The following ZBTB11 variants were observed in gnomAD, a reference collection of about 807,000 sequenced individuals.
ZBTB11 encodes zinc finger and BTB domain containing 11.
In ZBTB11, 68 loss-of-function variants were observed where a neutral mutation model predicts 113.1. The ratio of observed to expected loss-of-function variants is 0.60; its 90% CI spans 0.49 to 0.74. The LOEUF (loss-of-function observed/expected upper bound fraction) is 0.74, where lower values mean the gene tolerates loss of function less well. ZBTB11 is among the 30% of genes least tolerant of loss of function. ZBTB11 has a pLI of 0.00. For missense variants in ZBTB11, 1,104 were observed against 1,279.4 expected (o/e 0.86, Z 2.09); for synonymous variants, 518 against 452.6 (o/e 1.14, Z -1.83).
chr3:101,674,779 A>ATTT (rs1169323935), intron 1 of ZBTB11, among the ~76,000 whole-genome samples: 1 of 130,712 alleles, frequency 7.7e-6, no homozygotes, highest in African/African-American at 2.6e-5. Context: ...CACACTAAAA[A>ATTT]TTAAAAAAAA....
At chr3:101,675,965 C>G (rs575631547) in intron 1 of ZBTB11, among the ~76,000 whole-genome samples, 1 of 152,178 alleles carries the variant, frequency 6.6e-6, no homozygotes, top group South Asian at 2.1e-4. Flanking sequence ...ACAACAAAAA[C>G]AGTAACTGAT....
intron 8 of ZBTB11, among the ~76,000 whole-genome samples, chr3:101,654,417 A>G (rs904216711): frequency 6.6e-6 from 1 of 152,200 alleles, no homozygotes; most frequent in Non-Finnish European, 1.5e-5. Context: ...GAAAATGAAG[A>G]AGAGGGGGGG....
In ZBTB11 at chr3:101,651,118, A is replaced by C; in HGVS notation, c.*48T>G. 6.7e-7 allele frequency: 1 copy of C among 1,503,592 alleles called. No individual in the cohort carries two copies. The highest frequency in any genetic ancestry group is 1.4e-5 in the South Asian group (1 of 73,072). 93.1% of individuals were successfully genotyped at this position (1,503,592 alleles called of 1,614,324 possible). A position where few individuals can be genotyped will look rare whatever the true frequency, so the allele number is the denominator to read the frequency against. On this transcript the variant is annotated 3_prime_UTR_variant, in exon 11 of 11. Transcript: ENST00000312938. The stretch of plus-strand genomic sequence containing the variant: ...CAGAATTGTAAACAAATGTTCTGTG[A>C]GTTCAGTGTACAAGAGATGTCACTT...
chr3:101,667,068 C>A (rs1288641010), intron 3 of ZBTB11, among the ~76,000 whole-genome samples: 1 of 152,046 alleles, frequency 6.6e-6, no homozygotes, highest in Non-Finnish European at 1.5e-5. Flanking sequence ...TATTTAGGTA[C>A]TTTGAGACAG....
At chr3:101,658,217 T>C (rs1936830231) in intron 6 of ZBTB11, among the ~76,000 whole-genome samples, 1 of 151,586 alleles carries the variant, frequency 6.6e-6, no homozygotes, top group Admixed American at 6.6e-5. Flanking sequence ...ACTACCTCTT[T>C]TAAAAATTAA....
chr3:101,672,148 A>C lies in ZBTB11; in HGVS notation c.376T>G (p.Ser126Ala). ...CSKCQEKLDR[S>A]RPISDVSEML... ...TCTGAAACATCTGATATTGGACGGGATCGATCTAGTTTCTCCTGGCATTTG... is the reference window on the plus strand; with the variant it reads ...TCTGAAACATCTGATATTGGACGGGCTCGATCTAGTTTCTCCTGGCATTTG... The change falls in exon 2 of 11, where the codon TCC becomes GCC. Residue 126 changes from serine (S) to alanine (A), a missense_variant. Ser to Ala is a moderately conservative substitution (Grantham distance 99, BLOSUM62 1). Coordinates refer to ENST00000312938, the MANE Select transcript of ZBTB11 (RefSeq NM_014415.4). The C allele has an allele frequency of 6.2e-7, 1 of 1,614,152 alleles. No individual in the cohort carries two copies. Among genetic ancestry groups the C allele is most frequent in the Non-Finnish European group, 8.5e-7 (1 of 1,180,030 alleles).
intron 6 of ZBTB11, among the ~76,000 whole-genome samples, chr3:101,658,052 A>C (rs1936827650): frequency 6.6e-6 from 1 of 152,188 alleles, no homozygotes; most frequent in Non-Finnish European, 1.5e-5. Context: ...TTACAACAGC[A>C]CAATTCAGTT....
At chr3:101,670,957 A>G (rs1385855852) in intron 3 of ZBTB11, 173 bp downstream of exon 3, 2 of 571,128 alleles carry the variant, frequency 3.5e-6, no homozygotes, top group African/African-American at 3.7e-5. Context: ...ACCCTTTTCC[A>G]TAACTCTACC....
chr3:101,666,772 A>G (rs578165018), intron 3 of ZBTB11, among the ~76,000 whole-genome samples: 1 of 152,186 alleles, frequency 6.6e-6, no homozygotes, highest in East Asian at 1.9e-4. Flanking sequence ...ATTTTTTGAG[A>G]TGGAGTCTTG....
rs774483302 is a variant in ZBTB11, at chr3:101,658,027, C to T, written c.2046+1756G>A. Reference sequence around the variant, plus strand: ...AAAAATCTGATATATGAAAAAGATACTTGCACATGCATGTTTACAACAGCA... The same window carrying T: ...AAAAATCTGATATATGAAAAAGATATTTGCACATGCATGTTTACAACAGCA... On this transcript the variant is annotated intron_variant, in intron 6 of 10. Transcript: ENST00000312938. Among the ~76,000 whole-genome samples the T allele has an allele frequency of 5.6e-4, 86 of 152,222 alleles. 2 individuals carry two copies. Among genetic ancestry groups the T allele is most frequent in the South Asian group, 4.1e-4 (2 of 4,822 alleles).
At chr3:101,675,535 T>C (rs1185835766) in intron 1 of ZBTB11, among the ~76,000 whole-genome samples, 1 of 152,212 alleles carries the variant, frequency 6.6e-6, no homozygotes, top group African/African-American at 2.4e-5. Context: ...CCTAACAAAA[T>C]TTCTTAAATG....
At chr3:101,654,657 A>C in intron 8 of ZBTB11, 47 bp downstream of exon 8, 1 of 1,499,898 alleles carries the variant, frequency 6.7e-7, no homozygotes, top group Non-Finnish European at 9.2e-7. Flanking sequence ...AAAACTGAGT[A>C]AAAACATAAT....
rs770110318 is a variant in ZBTB11 at position 101,652,791 on chromosome 3, A to T, written c.2457T>A (p.Thr819=). The change falls in exon 9 of 11, where the codon ACT becomes ACA. Residue 819 remains threonine, a synonymous_variant. Transcript: ENST00000312938. The part of the protein sequence containing the change: ...WYSHVKSHSV[T]EPYRCNICGK... ...TCAAATTTACTCACCTATAAGGCTC[A>T]GTGACAGAATGAGACTTCACATGGG... The T allele has an allele frequency of 1.4e-5, 22 of 1,613,488 alleles. No homozygotes were observed. In the East Asian group the frequency reaches 4.9e-4, roughly 36 times the overall value.
chr3:101,652,448 G>T, intron 10 of ZBTB11, 48 bp downstream of exon 10: 1 of 1,564,010 alleles, frequency 6.4e-7, no homozygotes, highest in South Asian at 1.2e-5. Context: ...ATCACTACTG[G>T]ACTGGCTTTT....
rs35777658 is a variant in ZBTB11, at chr3:101,656,972, T to TAA, written c.2047-726_2047-725dup. ...AACATGGTGAAACCCTGTTTCTACTTAAAAAAAAAAATACAAAAATTAGCC... is the reference window on the plus strand; with the variant it reads ...AACATGGTGAAACCCTGTTTCTACTTAAAAAAAAAAAAATACAAAAATTAGCC... On this transcript the variant is annotated intron_variant, in intron 6 of 10. Coordinates refer to ENST00000312938, the MANE Select transcript of ZBTB11 (RefSeq NM_014415.4). Among the ~76,000 whole-genome samples the TAA allele has an allele frequency of 1.1e-4, 16 of 142,826 alleles. 1 individual carries two copies. The highest frequency in any genetic ancestry group is 6.2e-4 in the Admixed American group (9 of 14,446). 93.7% of individuals were successfully genotyped at this position (142,826 alleles called of 152,430 possible). A position where few individuals can be genotyped will look rare whatever the true frequency, so the allele number is the denominator to read the frequency against.
rs570802718 is a variant in ZBTB11 at position 101,662,650 on chromosome 3, C to A, written c.1800+1888G>T. On this transcript the variant is annotated intron_variant, in intron 5 of 10. Coordinates refer to ENST00000312938, the MANE Select transcript of ZBTB11 (RefSeq NM_014415.4). ...AAACAAACAAAAAAACCCCACAGTACATGGTTGTTTTGTAAACGTAATTTT... is the reference window on the plus strand; with the variant it reads ...AAACAAACAAAAAAACCCCACAGTAAATGGTTGTTTTGTAAACGTAATTTT... Among the ~76,000 whole-genome samples the A allele has an allele frequency of 9.1e-4, 138 of 152,264 alleles. 1 individual carries two copies. The highest frequency in any genetic ancestry group is 2.9e-3 in the African/African-American group (120 of 41,566).
rs1156740105 is a variant in ZBTB11 at position 101,671,214 on chromosome 3, A to G, written c.694T>C (p.Leu232=). 74 of 1,614,104 alleles carry G rather than the reference A, an allele frequency of 4.6e-5. No homozygotes were observed. The Admixed American group carries it at 1.2e-3, about 27-fold the overall frequency. The change falls in exon 3 of 11, where the codon TTG becomes CTG. Residue 232 remains leucine, a synonymous_variant. Transcript: ENST00000312938. ...CGAAAATACTCGCTATTTGCTGACAAAACAGATTTATGAGCTTTGTACTCT... is the reference window on the plus strand; with the variant it reads ...CGAAAATACTCGCTATTTGCTGACAGAACAGATTTATGAGCTTTGTACTCT... ...GEEYKAHKSV[L]SANSEYFRDL...
In ZBTB11 at chr3:101,652,661, A is replaced by G. The variant is rs1576642934; in HGVS notation, c.2479T>C (p.Cys827Arg). The change falls in exon 10 of 11, where the codon TGT (cysteine) becomes CGT (arginine). Residue 827 changes from cysteine to arginine, a missense_variant. Physicochemically the swap from Cys to Arg is radical, Grantham distance 180. This residue lies in a region of ZBTB11 where 148 missense variants were observed against 259.3 expected (regional missense o/e 0.57). Transcript: ENST00000312938. The part of the protein sequence containing the change: ...SVTEPYRCNI[C>R]GKEFYEKALF... ...GCTTTTTCATAAAATTCTTTGCCACATATATTACACCTAAAATAGGGGAAA... is the reference window on the plus strand; with the variant it reads ...GCTTTTTCATAAAATTCTTTGCCACGTATATTACACCTAAAATAGGGGAAA... 1 of 1,613,724 alleles carries G rather than the reference A, an allele frequency of 6.2e-7. No individual in the cohort carries two copies. Among genetic ancestry groups the G allele is most frequent in the East Asian group, 2.2e-5 (1 of 44,872 alleles).
intron 7 of ZBTB11, among the ~76,000 whole-genome samples, chr3:101,655,025 G>A (rs1936771831): frequency 1.3e-5 from 2 of 151,930 alleles, no homozygotes; most frequent in Admixed American, 6.6e-5. Context: ...CTATAGGCAC[G>A]TGCCACCACA....
Sources: gnomAD v4.1 joint callset for allele counts (sites outside exome capture counted in the v4.1 genomes callset) on GRCh38, gnomAD v4.1.1 for gene constraint, gnomAD v4.1.1 regional missense constraint, MANE v1.5 for transcripts, NCBI Gene and HGNC (gene_info 2026-07-23, HGNC 2026-07-21) for gene names.